The following KREMEN1 variants were observed in gnomAD, a reference collection of about 807,000 sequenced individuals.
KREMEN1 encodes kringle containing transmembrane protein 1.
A neutral mutation model predicts 46.5 loss-of-function variants in KREMEN1; 30 were observed. The ratio of observed to expected loss-of-function variants is 0.65; its 90% CI spans 0.48 to 0.88. The LOEUF (loss-of-function observed/expected upper bound fraction) is 0.88. KREMEN1 is among the 40% of genes least tolerant of loss of function. The pLI, the probability that KREMEN1 is intolerant of heterozygous loss-of-function variation, is 0.00. For missense variants in KREMEN1, 533 were observed against 596.9 expected, an observed-to-expected ratio of 0.89 and a Z score of 1.11; for synonymous variants, 214 against 230.6, an observed-to-expected ratio of 0.93 and a Z score of 0.65.
chr22:29,094,207 A>G (rs372808145), intron 1 of KREMEN1, 51 bp from the exon 2 acceptor site: 1 of 1,494,400 alleles, frequency 6.7e-7, no homozygotes, highest in Non-Finnish European at 9.2e-7. Flanking sequence ...GAGGGAGGAA[A>G]CCATGAATGT....
intron 3 of KREMEN1, among the ~76,000 whole-genome samples, chr22:29,103,603 G>A (rs937944705): frequency 5.3e-5 from 8 of 152,204 alleles, no homozygotes; most frequent in African/African-American, 1.4e-4. Flanking sequence ...AAATTCCAAC[G>A]TCTTCGGGTT....
chr22:29,160,234 T>C lies in KREMEN1; in HGVS notation c.1417-6810T>C, dbSNP rs1032461393. ...ACCACAGTAGAATGAAGACGGAAAA[T>C]ACTAAGAAGATTTCGGCTGGGTGTG... On this transcript the variant is annotated intron_variant, in intron 9 of 9. Transcript: ENST00000327813. Among the ~76,000 whole-genome samples, 3 of 151,668 alleles carry C rather than the reference T, an allele frequency of 2.0e-5. No homozygotes were observed. In the East Asian group the frequency reaches 5.8e-4, roughly 29 times the overall value.
chr22:29,120,954 A>G (rs1424342180), intron 3 of KREMEN1, among the ~76,000 whole-genome samples: 1 of 152,216 alleles, frequency 6.6e-6, no homozygotes. Flanking sequence ...GAGCTTAAAT[A>G]GAAGGTATAG....
chr22:29,150,583 G>A (rs1041772228), downstream of KREMEN1, among the ~76,000 whole-genome samples: 5 of 152,112 alleles, frequency 3.3e-5, no homozygotes, highest in East Asian at 1.9e-4. Flanking sequence ...ACTGAGGGTC[G>A]TGCTTCTTTG....
chr22:29,109,671 GAT>G (rs1304853573), intron 3 of KREMEN1, among the ~76,000 whole-genome samples: 1 of 152,196 alleles, frequency 6.6e-6, no homozygotes, highest in Admixed American at 6.5e-5. Context: ...AGATGGGACT[GAT>G]ATGCTGAAAG....
chr22:29,157,135 C>G (rs2038969431), intron 9 of KREMEN1, among the ~76,000 whole-genome samples: 3 of 60 alleles, frequency 0.05, no homozygotes, highest in Non-Finnish European at 0.094. Context: ...CTTCTACAAA[C>G]TATGCCAAGT....
rs972819513 is a variant in KREMEN1 at position 29,145,874 on chromosome 22, C to T, written c.*3762C>T. The T allele has an allele frequency of 4.1e-6, 4 of 985,754 alleles. No homozygotes were observed. Among genetic ancestry groups the T allele is most frequent in the Non-Finnish European group, 4.8e-6 (4 of 829,972 alleles). 61.1% of individuals were successfully genotyped at this position (985,754 alleles called of 1,614,324 possible). A position where few individuals can be genotyped will look rare whatever the true frequency, so the allele number is the denominator to read the frequency against. On this transcript the variant is annotated 3_prime_UTR_variant, in exon 9 of 9. Transcript: ENST00000400335. ...AGCTGTCCTGGCCCTCGGGTAGAAC[C>T]CACGGGCGTGCCTGGGTGCGGCTCC...
Position 29,144,702 on chromosome 22 carries a change from G to A in KREMEN1, c.*2590G>A. The A allele has an allele frequency of 1.0e-6, 1 of 985,528 alleles. No homozygotes were observed. The highest frequency in any genetic ancestry group is 1.2e-6 in the Non-Finnish European group (1 of 829,986). 61.0% of individuals were successfully genotyped at this position (985,528 alleles called of 1,614,324 possible). Reference sequence around the variant, plus strand: ...AAAGGGAATGTGGCACGTGGCCCCAGGAAGAGTTCACCCGGCCAGGGGGCA... The same window carrying A: ...AAAGGGAATGTGGCACGTGGCCCCAAGAAGAGTTCACCCGGCCAGGGGGCA... On this transcript the variant is annotated 3_prime_UTR_variant, in exon 9 of 9. Coordinates refer to ENST00000400335, the MANE Select transcript of KREMEN1 (RefSeq NM_001039570.3).
chr22:29,115,701 A>G (rs1816771021), intron 3 of KREMEN1, among the ~76,000 whole-genome samples: 1 of 152,194 alleles, frequency 6.6e-6, no homozygotes, highest in Non-Finnish European at 1.5e-5. Flanking sequence ...GCAGGGACAC[A>G]TAACCCTCTT....
chr22:29,144,180 T>C lies in KREMEN1; in HGVS notation c.*2068T>C. On this transcript the variant is annotated 3_prime_UTR_variant, in exon 9 of 9. Coordinates refer to ENST00000400335, the MANE Select transcript of KREMEN1 (RefSeq NM_001039570.3). ...CTTTGGCGTTTCCTCTTTGCAGCAC[T>C]TTGCCTACCTCCCCCAAGCCCTGAG... is the stretch of plus-strand genomic sequence containing the variant. The C allele has an allele frequency of 1.0e-6, 1 of 985,616 alleles. No individual in the cohort carries two copies. The highest frequency in any genetic ancestry group is 1.2e-6 in the Non-Finnish European group (1 of 830,068). 61.1% of individuals were successfully genotyped at this position (985,616 alleles called of 1,614,324 possible).
At chr22:29,120,492 A>G (rs2038333083) in intron 3 of KREMEN1, among the ~76,000 whole-genome samples, 1 of 92,556 alleles carries the variant, frequency 1.1e-5, no homozygotes, top group Non-Finnish European at 2.1e-5. Context: ...GAGGAAGGAG[A>G]GGTGATAAAG....
chr22:29,094,693 G>C (rs914945394), intron 2 of KREMEN1, among the ~76,000 whole-genome samples: 3 of 144,804 alleles, frequency 2.1e-5, no homozygotes, highest in African/African-American at 7.7e-5. Context: ...GCGCGATCTC[G>C]GCTCACTGCA....
chr22:29,155,558 G>A (rs1448243159), intron 9 of KREMEN1, among the ~76,000 whole-genome samples: 2 of 151,870 alleles, frequency 1.3e-5, no homozygotes, highest in South Asian at 4.2e-4. Flanking sequence ...AGAAGGTGAG[G>A]ACACTTACAT....
intron 9 of KREMEN1, among the ~76,000 whole-genome samples, chr22:29,164,900 C>G (rs1414949775): frequency 2.6e-5 from 4 of 152,006 alleles, no homozygotes; most frequent in Non-Finnish European, 5.9e-5. Context: ...TTTGGCCAGG[C>G]ATGGTAGCTC....
intron 5 of KREMEN1, among the ~76,000 whole-genome samples, chr22:29,125,725 A>G (rs2145822311): frequency 6.6e-6 from 1 of 152,306 alleles, no homozygotes; most frequent in South Asian, 2.1e-4. Flanking sequence ...AGACACTAAT[A>G]TAACAATCCA....
intron 3 of KREMEN1, among the ~76,000 whole-genome samples, chr22:29,117,719 T>C (rs2038265238): frequency 6.6e-6 from 1 of 152,048 alleles, no homozygotes; most frequent in Admixed American, 6.6e-5. Flanking sequence ...GAGGAACAAA[T>C]GGAGAAAGGG....
Position 29,146,602 on chromosome 22 carries a change from AT to A in KREMEN1, c.*4493del. On this transcript the variant is annotated 3_prime_UTR_variant, in exon 9 of 9. Transcript: ENST00000400335. ...TTTTGACTTTGGATGACAAGGCTTT[AT>A]TTGTAAATATGCTCTTAATATGCAA... 1.0e-6 allele frequency: 1 copy of A among 985,432 alleles called. No homozygotes were observed. Among genetic ancestry groups the A allele is most frequent in the Non-Finnish European group, 1.2e-6 (1 of 829,602 alleles). The allele number at this position is 985,432 out of a possible 1,614,324, so 61.0% of individuals were successfully genotyped here.
intron 9 of KREMEN1, among the ~76,000 whole-genome samples, chr22:29,156,555 CCG>C (rs1167371670): frequency 4.4e-3 from 6 of 1,356 alleles, no homozygotes; most frequent in Non-Finnish European, 0.013. Flanking sequence ...GGAATGCTCT[CCG>C]CACAGGAATG....
chr22:29,146,367 G>A lies in KREMEN1; in HGVS notation c.*4255G>A. On this transcript the variant is annotated 3_prime_UTR_variant, in exon 9 of 9. Transcript: ENST00000400335. Reference sequence around the variant, plus strand: ...TTCACCCTCTGCCTGCAGACCCCTGGTGGGCACATCTCACAGGCTTCCGTC... The same window carrying A: ...TTCACCCTCTGCCTGCAGACCCCTGATGGGCACATCTCACAGGCTTCCGTC... The A allele has an allele frequency of 9.1e-6, 9 of 985,908 alleles. No homozygotes were observed. Among genetic ancestry groups the A allele is most frequent in the Non-Finnish European group, 1.1e-5 (9 of 829,974 alleles). 61.1% of individuals were successfully genotyped at this position (985,908 alleles called of 1,614,324 possible).
Sources: gnomAD v4.1 joint callset for allele counts (sites outside exome capture counted in the v4.1 genomes callset) on GRCh38, gnomAD v4.1.1 for gene constraint, MANE v1.5 for transcripts, NCBI Gene and HGNC (gene_info 2026-07-23, HGNC 2026-07-21) for gene names.